FERRY3: variants seen among roughly 807,000 people sequenced by gnomAD.
FERRY3 encodes FERRY endosomal RAB5 effector complex subunit 3, also known as protein C12orf4.
At chr12:4,501,139 C>T in the FERRY3 span, among the ~76,000 whole-genome samples, 2 of 152,168 alleles carry the variant, frequency 1.3e-5, no homozygotes, top group African/African-American at 4.8e-5. Context: ...CTACCACCAA[C>T]TATTTTCAGT....
At chr12:4,503,235 A>G in the FERRY3 span, among the ~76,000 whole-genome samples, 1 of 152,222 alleles carries the variant, frequency 6.6e-6, no homozygotes, top group Non-Finnish European at 1.5e-5. Context: ...TGGGGCTGGC[A>G]GTAGTAATCA....
the FERRY3 span, among the ~76,000 whole-genome samples, chr12:4,517,710 C>CAGAGAGAGAGAGAGAGAGAG: frequency 1.7e-3 from 225 of 132,280 alleles, no homozygotes; most frequent in African/African-American, 5.9e-3. Context: ...TATATATAGA[C>CAGAGAGAGAGAGAGAGAGAG]AGAGAGAGAG....
chr12:4,517,684 A>AATATATATATATATATATATATAT, the FERRY3 span, among the ~76,000 whole-genome samples: 8 of 140,552 alleles, frequency 5.7e-5, no homozygotes, highest in African/African-American at 1.9e-4. Context: ...AGGTTATTAA[A>AATATATATATATATATATATATAT]ATATATATAT....
At chr12:4,490,389 C>T in the FERRY3 span, 1 of 621,620 alleles carries the variant, frequency 1.6e-6, no homozygotes, top group African/African-American at 1.9e-5. Context: ...CCAAATACTT[C>T]TCTCCTTAAA....
the FERRY3 span, among the ~76,000 whole-genome samples, chr12:4,526,756 T>A: frequency 6.6e-6 from 1 of 151,736 alleles, no homozygotes; most frequent in Non-Finnish European, 1.5e-5. Context: ...GTAGGAGAAT[T>A]GCTTGAACCC....
At chr12:4,531,307 G>A in the FERRY3 span, among the ~76,000 whole-genome samples, 2 of 152,168 alleles carry the variant, frequency 1.3e-5, no homozygotes, top group African/African-American at 4.8e-5. Context: ...CTTAACTTCT[G>A]TTTAAAATTC....
At chr12:4,524,522 A>G in the FERRY3 span, among the ~76,000 whole-genome samples, 1 of 152,198 alleles carries the variant, frequency 6.6e-6, no homozygotes, top group Admixed American at 6.5e-5. Flanking sequence ...ACGAAAAAAA[A>G]AAAAGACATG....
the FERRY3 span, among the ~76,000 whole-genome samples, chr12:4,504,790 G>C: frequency 6.6e-6 from 1 of 152,142 alleles, no homozygotes; most frequent in East Asian, 1.9e-4. Context: ...CTAGAAAAAA[G>C]TGAGTACTAG....
the FERRY3 span, chr12:4,536,268 T>A: frequency 2.0e-6 from 2 of 1,025,610 alleles, no homozygotes; most frequent in African/African-American, 3.3e-5. Flanking sequence ...TTATGTTTCA[T>A]TATTGCTGTC....
At chr12:4,533,915 C>T in the FERRY3 span, 1 of 322,156 alleles carries the variant, frequency 3.1e-6, no homozygotes. Context: ...AATCTGGAGA[C>T]CCTGTGCTGG....
At chr12:4,488,553 T>C in the FERRY3 span, 1 of 152,212 alleles carries the variant, frequency 6.6e-6, no homozygotes, top group Non-Finnish European at 1.5e-5. This position sits in a 1 kb window ranked among gnomAD's most constrained non-coding sequence, Gnocchi z 4.9. Context: ...GTCTTTAGTG[T>C]TGTTACCTGG....
the FERRY3 span, among the ~76,000 whole-genome samples, chr12:4,506,509 G>A: frequency 3.3e-5 from 5 of 152,126 alleles, no homozygotes; most frequent in Admixed American, 2.0e-4. Context: ...CTAATATAGA[G>A]CCATGTGATT....
At chr12:4,525,188 T>C in the FERRY3 span, 6 of 1,536,794 alleles carry the variant, frequency 3.9e-6, no homozygotes, top group Non-Finnish European at 5.3e-6. Flanking sequence ...GGTTTAACTT[T>C]GTAGTAAATA....
the FERRY3 span, among the ~76,000 whole-genome samples, chr12:4,515,801 G>T: frequency 6.6e-6 from 1 of 152,122 alleles, no homozygotes; most frequent in Non-Finnish European, 1.5e-5. Flanking sequence ...GATCTTAAGT[G>T]TTCTCACCAC....
the FERRY3 span, chr12:4,505,218 G>T: frequency 1.2e-6 from 1 of 830,904 alleles, no homozygotes; most frequent in South Asian, 1.5e-5. Flanking sequence ...TAAAATCATA[G>T]ATTTAAAACA....
chr12:4,534,962 C>T, the FERRY3 span, among the ~76,000 whole-genome samples: 72 of 152,166 alleles, frequency 4.7e-4, no homozygotes, highest in Admixed American at 3.3e-4. Context: ...TTTTGAAGGT[C>T]TGAACATTAC....
chr12:4,490,422 TG>T, the FERRY3 span: 2 of 861,806 alleles, frequency 2.3e-6, no homozygotes, highest in African/African-American at 3.6e-5. Flanking sequence ...ATTAGCCTTT[TG>T]TGTTGTTTTT....
At chr12:4,504,982 G>A in the FERRY3 span, among the ~76,000 whole-genome samples, 2 of 152,168 alleles carry the variant, frequency 1.3e-5, no homozygotes, top group African/African-American at 4.8e-5. Context: ...GCGTGGGCCT[G>A]TAGTCCCAGC....
the FERRY3 span, among the ~76,000 whole-genome samples, chr12:4,495,513 T>C: frequency 6.6e-6 from 1 of 152,204 alleles, no homozygotes; most frequent in African/African-American, 2.4e-5. Context: ...GGAGGACAAC[T>C]AATGTGAACT....
Sources: allele counts gnomAD v4.1 joint callset (sites outside exome capture counted in the v4.1 genomes callset), GRCh38; gene constraint gnomAD v4.1.1; non-coding constraint Gnocchi (gnomAD v3.1); transcripts MANE v1.5; gene names NCBI Gene and HGNC (gene_info 2026-07-23, HGNC 2026-07-21).